PTPRD: variants seen among roughly 807,000 people sequenced by gnomAD.
PTPRD encodes protein tyrosine phosphatase receptor type D.
In PTPRD, 34 loss-of-function variants were observed where a neutral mutation model predicts 214.5. That is an observed-to-expected ratio of 0.16 (90% CI 0.12 to 0.21). The LOEUF (loss-of-function observed/expected upper bound fraction) is 0.21. Among genes scored for constraint, PTPRD ranks in the 10% least tolerant of loss-of-function variants. The pLI, the probability that PTPRD is intolerant of heterozygous loss-of-function variation, is 1.00. For missense variants in PTPRD, 2,545 were observed against 2,398.7 expected (o/e 1.06, Z -1.27); for synonymous variants, 1,128 against 845.7 (o/e 1.33, Z -5.79).
intron 11 of PTPRD, among the ~76,000 whole-genome samples, chr9:8,892,083 G>A (rs573062339): frequency 1.3e-5 from 2 of 152,178 alleles, no homozygotes; most frequent in East Asian, 1.9e-4. Flanking sequence ...GAGATGAAAG[G>A]AAAGAAACAG....
intron 3 of PTPRD, among the ~76,000 whole-genome samples, chr9:10,262,976 G>C (rs1312876210): frequency 6.6e-6 from 1 of 152,114 alleles, no homozygotes; most frequent in East Asian, 1.9e-4. Flanking sequence ...TACATCTCAA[G>C]AGATCTGATG....
chr9:8,621,396 ATT>A (rs1212768839), intron 14 of PTPRD, among the ~76,000 whole-genome samples: 1 of 151,978 alleles, frequency 6.6e-6, no homozygotes, highest in Non-Finnish European at 1.5e-5. Flanking sequence ...TTTAAAAAAA[ATT>A]TGTTTGTTTT....
chr9:10,345,511 C>T (rs186648187), intron 2 of PTPRD, among the ~76,000 whole-genome samples: 1,841 of 150,850 alleles, frequency 0.012, 45 homozygotes, highest in African/African-American at 0.042. Context: ...TGAGAACATG[C>T]GGTGTTTGGT....
At chr9:10,340,156 T>C (rs572880468) in intron 3 of PTPRD, among the ~76,000 whole-genome samples, 1 of 152,008 alleles carries the variant, frequency 6.6e-6, no homozygotes, top group South Asian at 2.1e-4. Context: ...TAAATGCTCA[T>C]TCCACATTAT....
chr9:9,147,241 T>C (rs1326576355), intron 10 of PTPRD, among the ~76,000 whole-genome samples: 2 of 152,020 alleles, frequency 1.3e-5, no homozygotes, highest in African/African-American at 2.4e-5. Context: ...AATCCATTAA[T>C]TGGCAAAACT....
At chr9:9,195,605 C>T (rs1300823437) in intron 9 of PTPRD, among the ~76,000 whole-genome samples, 1 of 151,648 alleles carries the variant, frequency 6.6e-6, no homozygotes, top group Non-Finnish European at 1.5e-5. Flanking sequence ...ATTCATCACA[C>T]AACTTGAAAC....
chr9:8,873,806 G>A (rs755587199), intron 11 of PTPRD, among the ~76,000 whole-genome samples: 1 of 152,144 alleles, frequency 6.6e-6, no homozygotes, highest in African/African-American at 2.4e-5. Flanking sequence ...GACAGGAAAT[G>A]AAGAGAGGGA....
At chr9:9,183,844 C>T (rs964765099) in intron 9 of PTPRD, among the ~76,000 whole-genome samples, 3 of 151,930 alleles carry the variant, frequency 2.0e-5, no homozygotes, top group African/African-American at 4.8e-5. Context: ...CTATCCTACT[C>T]GTTCTGGGAC....
At chr9:8,850,090 T>C (rs1289391359) in intron 11 of PTPRD, among the ~76,000 whole-genome samples, 2 of 152,026 alleles carry the variant, frequency 1.3e-5, no homozygotes, top group Non-Finnish European at 2.9e-5. Flanking sequence ...ATAACTCAGA[T>C]GAAGTATGAA....
chr9:9,550,450 GTAT>G (rs1417329360), intron 8 of PTPRD, among the ~76,000 whole-genome samples: 11 of 147,532 alleles, frequency 7.5e-5, no homozygotes, highest in East Asian at 3.9e-4. Flanking sequence ...ATTATGTATA[GTAT>G]TATACGTAGT....
chr9:8,688,631 G>C (rs12351819), intron 12 of PTPRD, among the ~76,000 whole-genome samples: 1 of 147,312 alleles, frequency 6.8e-6, no homozygotes, highest in Admixed American at 6.9e-5. Flanking sequence ...TATAAAAAAA[G>C]AAAGTTATGT....
intron 25 of PTPRD, 38 bp from the exon 26 acceptor site, chr9:8,497,306 A>C: frequency 6.5e-7 from 1 of 1,546,614 alleles, no homozygotes. Context: ...AAAACAAAAT[A>C]AAAAGAAAAA....
intron 9 of PTPRD, among the ~76,000 whole-genome samples, chr9:9,330,697 A>G (rs1402491358): frequency 1.3e-5 from 2 of 151,948 alleles, no homozygotes; most frequent in East Asian, 3.9e-4. Context: ...AATACCCTTA[A>G]ATGGAACAAA....
intron 4 of PTPRD, among the ~76,000 whole-genome samples, chr9:10,022,606 A>G (rs917406217): frequency 5.3e-5 from 8 of 152,220 alleles, no homozygotes; most frequent in Non-Finnish European, 7.3e-5. Context: ...GCACAGAATA[A>G]AAAACAAACT....
chr9:8,668,682 T>C (rs1468436582), intron 12 of PTPRD, among the ~76,000 whole-genome samples: 1 of 152,196 alleles, frequency 6.6e-6, no homozygotes, highest in Admixed American at 6.5e-5. Flanking sequence ...GTGAAAAATA[T>C]TTGGAAAATT....
chr9:8,848,721 T>C lies in PTPRD; in HGVS notation c.-103-114775A>G, dbSNP rs920621024. Reference sequence around the variant, plus strand: ...CATGTCATATACAAGAGTGAGGAGGTTAAGAGTGAGTGAAACAGATAAAAG... The same window carrying C: ...CATGTCATATACAAGAGTGAGGAGGCTAAGAGTGAGTGAAACAGATAAAAG... On this transcript the variant is annotated intron_variant, in intron 11 of 45. Coordinates refer to ENST00000381196, the MANE Select transcript of PTPRD (RefSeq NM_002839.4). Among the ~76,000 whole-genome samples the C allele has an allele frequency of 3.3e-5, 5 of 152,004 alleles. No homozygotes were observed. In the East Asian group the frequency reaches 9.7e-4, roughly 29 times the overall value.
At chr9:9,099,687 T>C (rs953803168) in intron 10 of PTPRD, among the ~76,000 whole-genome samples, 30 of 152,318 alleles carry the variant, frequency 2.0e-4, no homozygotes, top group African/African-American at 7.0e-4. Context: ...GGAAACTACA[T>C]AGGTGTTACT....
chr9:9,433,218 C>G (rs1004943670), intron 8 of PTPRD, among the ~76,000 whole-genome samples: 1 of 152,080 alleles, frequency 6.6e-6, no homozygotes, highest in African/African-American at 2.4e-5. Context: ...TTGAAGGACT[C>G]GAGATGCCGA....
At chr9:10,166,697 C>A (rs1278936397) in intron 3 of PTPRD, among the ~76,000 whole-genome samples, 1 of 151,902 alleles carries the variant, frequency 6.6e-6, no homozygotes, top group Non-Finnish European at 1.5e-5. Context: ...TTCCCTAGCA[C>A]TTGGAAGTGG....
Sources: gnomAD v4.1 joint callset for allele counts (sites outside exome capture counted in the v4.1 genomes callset) on GRCh38, gnomAD v4.1.1 for gene constraint, MANE v1.5 for transcripts, NCBI Gene and HGNC (gene_info 2026-07-23, HGNC 2026-07-21) for gene names.